TRPS1: variants seen among roughly 807,000 people sequenced by gnomAD.
TRPS1 encodes the protein transcriptional repressor GATA binding 1.
Under a neutral mutation model 101.2 loss-of-function variants are expected in TRPS1, and 6 were observed. The observed-to-expected ratio is 0.06, with a 90% CI of 0.03 to 0.12. The LOEUF is 0.12. TRPS1 is among the 10% of genes least tolerant of loss of function. TRPS1 has a pLI of 1.00. For synonymous variants in TRPS1, 578 were observed against 589.8 expected (o/e 0.98, Z 0.29); for missense variants, 1,363 against 1,567.0 (o/e 0.87, Z 2.20).
intron 4 of TRPS1, among the ~76,000 whole-genome samples, chr8:115,591,526 G>T (rs906925270): frequency 6.6e-6 from 1 of 152,068 alleles, no homozygotes; most frequent in African/African-American, 2.4e-5. Context: ...AGTCTTCTAG[G>T]TTTTCTAGTT....
chr8:115,519,309 A>G lies in TRPS1; in HGVS notation c.2700+67692T>C, dbSNP rs75949297. 3.2e-4 allele frequency among the ~76,000 whole-genome samples: 49 copies of G among 151,838 alleles called. No homozygotes were observed. In the East Asian group the frequency reaches 8.9e-3, roughly 28 times the overall value. On this transcript the variant is annotated intron_variant, in intron 5 of 6. Coordinates refer to ENST00000395715, the MANE Select transcript of TRPS1 (RefSeq NM_014112.5). ...CTTCTTAACAATATTATCAGAAAGG[A>G]TTTACCAGCATAACTTCTCATTGTA...
At chr8:115,590,253 GCAA>G (rs1357782849) in intron 4 of TRPS1, among the ~76,000 whole-genome samples, 20 of 152,068 alleles carry the variant, frequency 1.3e-4, no homozygotes, top group African/African-American at 4.3e-4. Flanking sequence ...AATTAAAACA[GCAA>G]CAACAACTTC....
At chr8:115,573,070 G>A (rs569291702) in intron 5 of TRPS1, among the ~76,000 whole-genome samples, 71 of 152,024 alleles carry the variant, frequency 4.7e-4, no homozygotes, top group Admixed American at 1.7e-3. Flanking sequence ...GTTGTGGTAA[G>A]CTGAGATCAT....
intron 5 of TRPS1, among the ~76,000 whole-genome samples, chr8:115,432,633 C>A (rs146501666): frequency 6.6e-6 from 1 of 151,792 alleles, no homozygotes; most frequent in East Asian, 1.9e-4. Flanking sequence ...GAAAAGTGTG[C>A]CTGCTATATA....
In TRPS1 at chr8:115,414,273, A is replaced by G; in HGVS notation, c.3635T>C (p.Val1212Ala). 1 of 1,613,996 alleles carries G rather than the reference A, an allele frequency of 6.2e-7. No individual in the cohort carries two copies. Among genetic ancestry groups the G allele is most frequent in the Non-Finnish European group, 8.5e-7 (1 of 1,179,962 alleles). Residue 1212 changes from valine (V) to alanine (A), a missense_variant, in exon 7 of 7, where the codon GTA becomes GCA. By Grantham distance (64) the Val-to-Ala change is moderately conservative. This residue lies in a region of TRPS1 where 307 missense variants were observed against 392.4 expected (regional missense o/e 0.78). Coordinates refer to ENST00000395715, the MANE Select transcript of TRPS1 (RefSeq NM_014112.5). This position sits in a 1 kb window ranked among gnomAD's most constrained non-coding sequence, Gnocchi z 4.8. ...PNVKNEGPLN[V>A]VKTEKVDRST... ...TCTATCAACTTTCTCTGTTTTTACTACATTCAAGGGACCTTCATTTTTTAC... is the reference window on the plus strand; with the variant it reads ...TCTATCAACTTTCTCTGTTTTTACTGCATTCAAGGGACCTTCATTTTTTAC...
intron 5 of TRPS1, among the ~76,000 whole-genome samples, chr8:115,454,670 A>G (rs1813970257): frequency 2.6e-5 from 4 of 152,106 alleles, no homozygotes; most frequent in Admixed American, 2.6e-4. Context: ...TTATTATGTC[A>G]TTTTCATGAA....
At chr8:115,620,464 T>A (rs539660600) in intron 2 of TRPS1, among the ~76,000 whole-genome samples, 12 of 145,868 alleles carry the variant, frequency 8.2e-5, no homozygotes, top group Non-Finnish European at 1.5e-4. Flanking sequence ...CATGTACACA[T>A]GTTATGTTTA....
chr8:115,505,635 AT>A (rs1184394253), intron 5 of TRPS1, among the ~76,000 whole-genome samples: 40 of 152,122 alleles, frequency 2.6e-4, no homozygotes, highest in African/African-American at 9.4e-4. Context: ...AACCCTTTTA[AT>A]TTTTACAAAT....
intron 5 of TRPS1, among the ~76,000 whole-genome samples, chr8:115,520,600 T>TA (rs1240351805): frequency 6.6e-6 from 1 of 151,714 alleles, no homozygotes; most frequent in Non-Finnish European, 1.5e-5. Context: ...AGGCAAAAAA[T>TA]AAAAATGTAG....
intron 3 of TRPS1, 23 bp from the exon 4 acceptor site, chr8:115,605,025 T>C (rs768274169): frequency 5.6e-6 from 9 of 1,609,642 alleles, no homozygotes; most frequent in Non-Finnish European, 7.6e-6. Flanking sequence ...AGAAATGGAC[T>C]TTACTTCCAA....
chr8:115,573,974 GTTCCTCTTT>G, intron 5 of TRPS1, among the ~76,000 whole-genome samples: 1 of 152,118 alleles, frequency 6.6e-6, no homozygotes, highest in South Asian at 2.1e-4. Context: ...AATGTGATCT[GTTCCTCTTT>G]AAACAATCAT....
At chr8:115,618,998 T>C (rs2130530264) in intron 3 of TRPS1, 134 bp downstream of exon 3, 1 of 857,770 alleles carries the variant, frequency 1.2e-6, no homozygotes, top group Admixed American at 2.2e-5. Context: ...AGCTATGGAG[T>C]GTGTCCATCT....
intron 5 of TRPS1, among the ~76,000 whole-genome samples, chr8:115,571,511 T>C (rs964337936): frequency 2.0e-5 from 3 of 152,140 alleles, no homozygotes; most frequent in African/African-American, 7.2e-5. Flanking sequence ...ATTAACCCCC[T>C]ACCAATATCC....
intron 5 of TRPS1, among the ~76,000 whole-genome samples, chr8:115,489,375 T>C (rs1814965527): frequency 1.3e-5 from 2 of 152,234 alleles, no homozygotes; most frequent in Non-Finnish European, 2.9e-5. Context: ...TGTTACTGTT[T>C]TCTTTTTTTA....
At chr8:115,562,509 GAAA>G (rs778929983) in intron 5 of TRPS1, among the ~76,000 whole-genome samples, 1 of 117,156 alleles carries the variant, frequency 8.5e-6, no homozygotes, top group Non-Finnish European at 1.8e-5. Context: ...TGATTGCCAG[GAAA>G]AAAAAAAAAA....
chr8:115,612,285 G>A (rs1818188197), intron 3 of TRPS1, among the ~76,000 whole-genome samples: 1 of 151,854 alleles, frequency 6.6e-6, no homozygotes, highest in African/African-American at 2.4e-5. Context: ...GGAAAGAATA[G>A]GAGGTGAGAA....
At chr8:115,465,007 C>T (rs952126684) in intron 5 of TRPS1, among the ~76,000 whole-genome samples, 2 of 151,970 alleles carry the variant, frequency 1.3e-5, no homozygotes, top group African/African-American at 4.8e-5. Flanking sequence ...TTATTAAAGC[C>T]ACATCTGTCC....
At chr8:115,654,234 T>G (rs1421415524) in intron 1 of TRPS1, among the ~76,000 whole-genome samples, 6 of 504 alleles carry the variant, frequency 0.012, no homozygotes, top group African/African-American at 0.046. Flanking sequence ...AATGGAAAGT[T>G]GAGAAATTTA....
chr8:115,499,901 T>C (rs998170547), intron 5 of TRPS1, among the ~76,000 whole-genome samples: 1 of 151,958 alleles, frequency 6.6e-6, no homozygotes, highest in Non-Finnish European at 1.5e-5. Context: ...TGATGACATC[T>C]GGAAAAGTGC....
Sources: gnomAD v4.1 joint callset for allele counts (sites outside exome capture counted in the v4.1 genomes callset) on GRCh38, gnomAD v4.1.1 for gene constraint, gnomAD v4.1.1 regional missense constraint, Gnocchi (gnomAD v3.1) non-coding constraint, MANE v1.5 for transcripts, NCBI Gene and HGNC (gene_info 2026-07-23, HGNC 2026-07-21) for gene names.